The following RGS9 variants were observed in gnomAD, a reference collection of about 807,000 sequenced individuals.
RGS9 encodes the protein regulator of G protein signaling 9.
RGS9 carries 78 observed loss-of-function variants against 102.0 expected under a neutral mutation model. The observed-to-expected ratio is 0.76, with a 90% CI of 0.64 to 0.92. RGS9 has a LOEUF of 0.92. RGS9 is among the 40% of genes least tolerant of loss of function. RGS9 has a pLI of 0.00. For missense variants in RGS9, 833 were observed against 866.1 expected (o/e 0.96, Z 0.48); for synonymous variants, 353 against 318.6 (o/e 1.11, Z -1.15).
chr17:65,148,052 C>A (rs1444230697), intron 1 of RGS9, among the ~76,000 whole-genome samples: 1 of 152,172 alleles, frequency 6.6e-6, no homozygotes, highest in Non-Finnish European at 1.5e-5. Flanking sequence ...TTCTTTATGT[C>A]TGTTGAGTAG....
chr17:65,144,306 C>G (rs189098663), intron 1 of RGS9, among the ~76,000 whole-genome samples: 2 of 152,284 alleles, frequency 1.3e-5, no homozygotes, highest in East Asian at 3.9e-4. Context: ...CCCCAGAGAT[C>G]TTCCGCAGTG....
Position 65,177,821 on chromosome 17 carries a change from A to G in RGS9, c.654+18A>G. ...TAAACCAGGTATGTCTCTGCTGCAT[A>G]GTTTGGGTAGGGCCTAGGTCGGATT... On this transcript the variant is annotated intron_variant, in intron 9 of 18. Coordinates refer to ENST00000262406, the MANE Select transcript of RGS9 (RefSeq NM_003835.4). 6.2e-7 allele frequency: 1 copy of G among 1,610,998 alleles called. No homozygotes were observed. Among genetic ancestry groups the G allele is most frequent in the Non-Finnish European group, 8.5e-7 (1 of 1,177,128 alleles).
At chr17:65,168,636 G>T (rs1296612156) in intron 8 of RGS9, among the ~76,000 whole-genome samples, 1 of 150,268 alleles carries the variant, frequency 6.7e-6, no homozygotes, top group Non-Finnish European at 1.5e-5. Context: ...CAATGGAGGC[G>T]CCAATGCAGA....
Position 65,162,736 on chromosome 17 carries a change from T to C in RGS9, c.424-277T>C, listed in dbSNP as rs543042664. Among the ~76,000 whole-genome samples the C allele has an allele frequency of 4.9e-4, 74 of 152,304 alleles. No individual in the cohort carries two copies. In the Middle Eastern group the frequency reaches 0.01, roughly 21 times the overall value. The stretch of plus-strand genomic sequence containing the variant: ...TGCCTGCCTTGGCCTCCCAAAGTGC[T>C]GGGATTACAGGTGTGAGCCACCACG... On this transcript the variant is annotated intron_variant, in intron 6 of 18. Transcript: ENST00000262406.
intron 7 of RGS9, among the ~76,000 whole-genome samples, chr17:65,167,148 T>TG: frequency 6.6e-6 from 1 of 151,752 alleles, no homozygotes; most frequent in Admixed American, 6.6e-5. Context: ...CCATCCAGAG[T>TG]GGGAAAGGGA....
chr17:65,225,377 G>A lies in RGS9; in HGVS notation c.1783G>A (p.Val595Ile). ...FLRRGCLASP[V>I]FARLSPKCPA... Reference sequence around the variant, plus strand: ...GAGACGAGGCTGTCTGGCCTCACCTGTCTTTGCCAGGCTCTCACCCAAGTG... The same window carrying A: ...GAGACGAGGCTGTCTGGCCTCACCTATCTTTGCCAGGCTCTCACCCAAGTG... Residue 595 changes from valine to isoleucine, a missense_variant, in exon 18 of 19, where the codon GTC becomes ATC. Physicochemically the swap from Val to Ile is conservative, Grantham distance 29. Coordinates refer to ENST00000262406, the MANE Select transcript of RGS9 (RefSeq NM_003835.4). 1.2e-6 allele frequency: 2 copies of A among 1,611,950 alleles called. No individual in the cohort carries two copies. Among genetic ancestry groups the A allele is most frequent in the Non-Finnish European group, 1.7e-6 (2 of 1,180,030 alleles).
At chr17:65,182,738 A>G (rs1911932646) in intron 9 of RGS9, among the ~76,000 whole-genome samples, 1 of 152,042 alleles carries the variant, frequency 6.6e-6, no homozygotes, top group African/African-American at 2.4e-5. Flanking sequence ...CCCTGATCCA[A>G]CCGCTGCTCC....
At position 65,145,336 on chromosome 17, in the gene RGS9, C is replaced by T. The variant is rs140055219; in HGVS notation, c.57+7739C>T. Reference sequence around the variant, plus strand: ...TCAAACTCCTGACCTCATGATCCACCGGCCTTGGTTTCCCAAAGTGCTGGG... The same window carrying T: ...TCAAACTCCTGACCTCATGATCCACTGGCCTTGGTTTCCCAAAGTGCTGGG... On this transcript the variant is annotated intron_variant, in intron 1 of 18. Coordinates refer to ENST00000262406, the MANE Select transcript of RGS9 (RefSeq NM_003835.4). Among the ~76,000 whole-genome samples the T allele has an allele frequency of 3.1e-3, 466 of 151,492 alleles. 1 individual carries two copies. The highest frequency in any genetic ancestry group is 0.01 in the African/African-American group (429 of 41,282).
In RGS9 at chr17:65,207,979, A is replaced by G; in HGVS notation, c.1261A>G (p.Ile421Val). The G allele has an allele frequency of 6.2e-7, 1 of 1,613,336 alleles. No homozygotes were observed. The highest frequency in any genetic ancestry group is 8.5e-7 in the Non-Finnish European group (1 of 1,179,338). The change falls in exon 16 of 19, where the codon ATT (isoleucine) becomes GTT (valine). Residue 421 changes from isoleucine to valine, a missense_variant. By Grantham distance (29) the Ile-to-Val change is conservative. Transcript: ENST00000262406. ...CTATAAGGACATGCTGGCCAAAGCT[A>G]TTGAACCTCAGGAAACCACCAAGAA... ...PIYKDMLAKAIEPQETTKKSS... is the reference protein window; with the variant it reads ...PIYKDMLAKAVEPQETTKKSS...
chr17:65,216,011 G>A (rs1199569148), intron 17 of RGS9, among the ~76,000 whole-genome samples: 2 of 152,160 alleles, frequency 1.3e-5, no homozygotes, highest in African/African-American at 2.4e-5. Context: ...GAATGTCAAG[G>A]AGGAAGTGAT....
At chr17:65,151,876 C>A (rs544584165) in intron 1 of RGS9, among the ~76,000 whole-genome samples, 7 of 152,272 alleles carry the variant, frequency 4.6e-5, no homozygotes, top group African/African-American at 1.7e-4. Flanking sequence ...TATTAATTCA[C>A]ACATCACTTG....
intron 12 of RGS9, among the ~76,000 whole-genome samples, chr17:65,195,433 AT>A (rs762701633): frequency 4.6e-4 from 70 of 152,192 alleles, no homozygotes; most frequent in Admixed American, 9.2e-4. Context: ...TGGATCCTAT[AT>A]GTTTATTGAA....
At chr17:65,172,792 A>G (rs529433047) in intron 8 of RGS9, among the ~76,000 whole-genome samples, 75 of 152,312 alleles carry the variant, frequency 4.9e-4, no homozygotes, top group African/African-American at 1.6e-3. Flanking sequence ...GTTGGGGGTC[A>G]GGGAACACAG....
rs558096394 is a variant in RGS9, at chr17:65,137,704, T to C, written c.57+107T>C. 22 of 947,556 alleles carry C rather than the reference T, an allele frequency of 2.3e-5. No homozygotes were observed. The South Asian group carries it at 2.4e-4, about 10-fold the overall frequency. 58.7% of individuals were successfully genotyped at this position (947,556 alleles called of 1,614,324 possible). A position where few individuals can be genotyped will look rare whatever the true frequency, so the allele number is the denominator to read the frequency against. Reference sequence around the variant, plus strand: ...AGTGGAGAGCACCCCTTTGGGTCGATTTGTGCTGCTCGATTTTATTAAGTG... The same window carrying C: ...AGTGGAGAGCACCCCTTTGGGTCGACTTGTGCTGCTCGATTTTATTAAGTG... On this transcript the variant is annotated intron_variant, in intron 1 of 18. Coordinates refer to ENST00000262406, the MANE Select transcript of RGS9 (RefSeq NM_003835.4).
chr17:65,207,784 A>AGGAGGTTGT, intron 15 of RGS9, 138 bp from the exon 16 acceptor site: 1 of 627,810 alleles, frequency 1.6e-6, no homozygotes, highest in South Asian at 1.6e-5. Context: ...ACCTCCCCCA[A>AGGAGGTTGT]CACCTTTCAC....
At chr17:65,178,510 C>A (rs988354937) in intron 9 of RGS9, among the ~76,000 whole-genome samples, 1 of 142,532 alleles carries the variant, frequency 7.0e-6, no homozygotes, top group African/African-American at 2.9e-5. Flanking sequence ...TTATTTAATT[C>A]ATTTATTATT....
At position 65,225,137 on chromosome 17, in the gene RGS9, C is replaced by T. The variant is rs1298439298; in HGVS notation, c.1543C>T (p.Arg515Trp). ...TTTCGCCTCACCCAGCCGCTTCATC[C>T]GGCGACCCAGCACCACCATCTGCCC... ...KPFASPSRFI[R>W]RPSTTICPSP... The change falls in exon 18 of 19, where the codon CGG becomes TGG. Residue 515 changes from arginine to tryptophan, a missense_variant. Transcript: ENST00000262406. The T allele has an allele frequency of 4.3e-6, 7 of 1,613,774 alleles. No homozygotes were observed. Among genetic ancestry groups the T allele is most frequent in the East Asian group, 2.2e-5 (1 of 44,890 alleles).
chr17:65,176,690 T>TCCATCCATCTACTCACTCAA, intron 8 of RGS9, among the ~76,000 whole-genome samples: 1 of 151,828 alleles, frequency 6.6e-6, no homozygotes, highest in Non-Finnish European at 1.5e-5. Context: ...CACTCACTCA[T>TCCATCCATCTACTCACTCAA]CCATCCATCT....
chr17:65,139,103 C>A (rs1910044035), intron 1 of RGS9, among the ~76,000 whole-genome samples: 1 of 8,082 alleles, frequency 1.2e-4, no homozygotes. Context: ...CCCCAGCTCT[C>A]CCCCCTCCAC....
Sources: gnomAD v4.1 joint callset for allele counts (sites outside exome capture counted in the v4.1 genomes callset) on GRCh38, gnomAD v4.1.1 for gene constraint, MANE v1.5 for transcripts, NCBI Gene and HGNC (gene_info 2026-07-23, HGNC 2026-07-21) for gene names.